RARA: variants seen among roughly 807,000 people sequenced by gnomAD.
RARA encodes the protein retinoic acid receptor alpha, also known as PML-DDX5-RARA fusion.
In RARA, 5 loss-of-function variants were observed where a neutral mutation model predicts 42.8. The ratio of observed to expected loss-of-function variants is 0.12; its 90% confidence interval spans 0.06 to 0.25. The LOEUF (loss-of-function observed/expected upper bound fraction) is 0.25. Ranked by LOEUF, RARA falls within the 10% of genes least tolerant of loss-of-function variation. The pLI, the probability that RARA is intolerant of heterozygous loss-of-function variation, is 1.00. For missense variants in RARA, 402 were observed against 628.7 expected, an observed-to-expected ratio of 0.64 and a Z score of 3.86; for synonymous variants, 256 against 259.5, an observed-to-expected ratio of 0.99 and a Z score of 0.13.
At chr17:40,338,634 G>C (rs141223821) in intron 2 of RARA, among the ~76,000 whole-genome samples, 2,275 of 150,502 alleles carry the variant, frequency 0.015, 29 homozygotes, top group Non-Finnish European at 0.023. Flanking sequence ...CTTGAACCCG[G>C]AGGTGGAGGT....
At chr17:40,340,068 G>GT (rs1294651936) in intron 2 of RARA, among the ~76,000 whole-genome samples, 2 of 151,912 alleles carry the variant, frequency 1.3e-5, no homozygotes, top group Non-Finnish European at 2.9e-5. Flanking sequence ...TCACTGATGC[G>GT]TAAGTCACAC....
chr17:40,327,221 G>A (rs1378866301), intron 1 of RARA, among the ~76,000 whole-genome samples: 1 of 152,180 alleles, frequency 6.6e-6, no homozygotes, highest in Admixed American at 6.5e-5. Context: ...GAGCAAGGGT[G>A]GGTTCCAGAG....
intron 1 of RARA, among the ~76,000 whole-genome samples, chr17:40,328,544 C>G (rs1336524981): frequency 6.6e-6 from 1 of 152,134 alleles, no homozygotes; most frequent in Non-Finnish European, 1.5e-5. Flanking sequence ...ACTTTCATCA[C>G]CCCAGAAAGA....
intron 2 of RARA, chr17:40,342,380 T>G (rs2034090809): frequency 9.0e-7 from 1 of 1,108,704 alleles, no homozygotes; most frequent in Non-Finnish European, 1.1e-6. Context: ...GTACTCTGCC[T>G]CGGACGCCAC....
Position 40,326,235 on chromosome 17 carries a change from C to A in RARA, c.-362-4622C>A, listed in dbSNP as rs1469676209. On this transcript the variant is annotated intron_variant, in intron 1 of 8. Coordinates refer to ENST00000254066, the MANE Select transcript of RARA (RefSeq NM_000964.4). This position sits in a 1 kb window ranked among gnomAD's most constrained non-coding sequence, Gnocchi z 5.2. ...GCAAGAGGCATGGGGATGGAGGGCT[C>A]CAGTTGCCCGGGCCTCCCCTGTGCC... is the stretch of plus-strand genomic sequence containing the variant. Among the ~76,000 whole-genome samples, 2 of 152,236 alleles carry A rather than the reference C, an allele frequency of 1.3e-5. No individual in the cohort carries two copies. Among genetic ancestry groups the A allele is most frequent in the African/African-American group, 4.8e-5 (2 of 41,456 alleles).
chr17:40,348,291 T>C (rs749330119), intron 2 of RARA, 25 bp from the exon 3 acceptor site: 2 of 1,533,214 alleles, frequency 1.3e-6, no homozygotes, highest in East Asian at 2.5e-5. Flanking sequence ...GGTCTCTAAC[T>C]GCCCCTCCCC....
intron 1 of RARA, among the ~76,000 whole-genome samples, chr17:40,319,549 AC>A (rs1438632891): frequency 1.5e-5 from 1 of 66,990 alleles, no homozygotes; most frequent in Non-Finnish European, 2.9e-5. Context: ...CCTGCTGCTT[AC>A]CCCAAGGATC....
At position 40,352,025 on chromosome 17, in the gene RARA, C is replaced by T. The variant is rs771740867; in HGVS notation, c.585C>T (p.His195=). The T allele has an allele frequency of 6.3e-7, 1 of 1,586,976 alleles. No homozygotes were observed. Among genetic ancestry groups the T allele is most frequent in the Non-Finnish European group, 8.5e-7 (1 of 1,171,982 alleles). The change falls in exon 5 of 9, where the codon CAC becomes CAT. Residue 195 remains histidine (H), a synonymous_variant. Coordinates refer to ENST00000254066, the MANE Select transcript of RARA (RefSeq NM_000964.4). This position sits in a 1 kb window ranked among gnomAD's most constrained non-coding sequence, Gnocchi z 4.9. ...TCATTGAGAAGGTGCGCAAAGCGCACCAGGAAACCTTCCCTGCCCTCTGCC... is the reference window on the plus strand; with the variant it reads ...TCATTGAGAAGGTGCGCAAAGCGCATCAGGAAACCTTCCCTGCCCTCTGCC... The part of the protein sequence containing the change: ...GELIEKVRKA[H]QETFPALCQL...
Position 40,354,034 on chromosome 17 carries a change from A to G in RARA, c.808-268A>G, listed in dbSNP as rs1439995896. ...GCTGCTCACCACATGTGACTCTTTA[A>G]ATTTAAATTAATTAAAATTAAACTC... On this transcript the variant is annotated intron_variant, in intron 6 of 8. Transcript: ENST00000254066. The surrounding 1 kb of genome is among the most constrained non-coding windows in gnomAD (Gnocchi z 4.5). 6.6e-6 allele frequency among the ~76,000 whole-genome samples: 1 copy of G among 151,964 alleles called. No individual in the cohort carries two copies. Among genetic ancestry groups the G allele is most frequent in the East Asian group, 1.9e-4 (1 of 5,202 alleles).
Position 40,315,222 on chromosome 17 carries a change from A to G in RARA, c.-363+5936A>G, listed in dbSNP as rs73309029. 4.1e-3 allele frequency among the ~76,000 whole-genome samples: 612 copies of G among 148,414 alleles called. 9 individuals are homozygous for G. Among genetic ancestry groups the G allele is most frequent in the African/African-American group, 0.014 (578 of 40,088 alleles). ...TATATATTTATTTATTTTAACAAAA[A>G]AGACACAGGGTCTTGCTATGTTGCC... On this transcript the variant is annotated intron_variant, in intron 1 of 8. Coordinates refer to ENST00000254066, the MANE Select transcript of RARA (RefSeq NM_000964.4).
chr17:40,337,363 G>A (rs1181800796), intron 2 of RARA, among the ~76,000 whole-genome samples: 2 of 152,202 alleles, frequency 1.3e-5, no homozygotes, highest in African/African-American at 2.4e-5. Context: ...CCTTTCCCCG[G>A]TAGGGGGTGT....
intron 2 of RARA, chr17:40,342,378 C>T: frequency 2.7e-6 from 3 of 1,109,464 alleles, no homozygotes; most frequent in Non-Finnish European, 3.3e-6. Context: ...CTGTACTCTG[C>T]CTCGGACGCC....
Position 40,355,692 on chromosome 17 carries a change from C to T in RARA, c.1171+271C>T, listed in dbSNP as rs777124853. Among the ~76,000 whole-genome samples the T allele has an allele frequency of 4.3e-4, 65 of 152,184 alleles. 3 individuals carry two copies. The highest frequency in any genetic ancestry group is 2.2e-4 in the Non-Finnish European group (15 of 68,038). On this transcript the variant is annotated intron_variant, in intron 8 of 8. Coordinates refer to ENST00000254066, the MANE Select transcript of RARA (RefSeq NM_000964.4). The surrounding 1 kb of genome is among the most constrained non-coding windows in gnomAD (Gnocchi z 4.1). ...CAGCTCCTAGCTACAGTTTCCCTTC[C>T]GAGGGCGGGGATAACATTCGTGTTT...
In RARA at chr17:40,345,625, G is replaced by A. The variant is rs1156624177; in HGVS notation, c.179-2691G>A. ...GGTCAGTTCCAGTCCTCTGTTGGGCGCTGGAACTTTGAGCTGAGAAGGTGT... is the reference window on the plus strand; with the variant it reads ...GGTCAGTTCCAGTCCTCTGTTGGGCACTGGAACTTTGAGCTGAGAAGGTGT... On this transcript the variant is annotated intron_variant, in intron 2 of 8. Transcript: ENST00000254066. The surrounding 1 kb of genome is among the most constrained non-coding windows in gnomAD (Gnocchi z 4.8). Among the ~76,000 whole-genome samples, 1 of 152,236 alleles carries A rather than the reference G, an allele frequency of 6.6e-6. No individual in the cohort carries two copies. Among genetic ancestry groups the A allele is most frequent in the Non-Finnish European group, 1.5e-5 (1 of 68,040 alleles).
intron 1 of RARA, among the ~76,000 whole-genome samples, chr17:40,313,950 C>T (rs572909937): frequency 3.5e-4 from 53 of 152,220 alleles, no homozygotes; most frequent in African/African-American, 1.0e-3. Flanking sequence ...TGCTCAGTCC[C>T]CTTCTGGCTC....
At chr17:40,309,725 A>G (rs1236020451) in intron 1 of RARA, among the ~76,000 whole-genome samples, 1 of 152,214 alleles carries the variant, frequency 6.6e-6, no homozygotes, top group Non-Finnish European at 1.5e-5. Flanking sequence ...CAAAGAGCTC[A>G]GGACTTTGCC....
At chr17:40,348,077 T>G in intron 2 of RARA, 1 of 411,154 alleles carries the variant, frequency 2.4e-6, no homozygotes, top group Non-Finnish European at 4.3e-6. Flanking sequence ...CATTGTATCT[T>G]TGTGGTTTTG....
chr17:40,337,930 G>A (rs1429436435), intron 2 of RARA, among the ~76,000 whole-genome samples: 1 of 152,262 alleles, frequency 6.6e-6, no homozygotes, highest in Non-Finnish European at 1.5e-5. Flanking sequence ...CAGAGGGACA[G>A]CCCAGGTGGA....
At position 40,356,187 on chromosome 17, in the gene RARA, C is replaced by T. The variant is rs1478131972; in HGVS notation, c.1350C>T (p.Pro450=). The part of the protein sequence containing the change: ...PPGSCSPSLS[P]SSNRSSPATH... The stretch of plus-strand genomic sequence containing the variant: ...GCAGCTGTAGCCCCAGCCTCAGCCC[C>T]AGCTCCAACAGAAGCAGCCCGGCCA... Residue 450 remains proline (P), a synonymous_variant, in exon 9 of 9, where the codon CCC becomes CCT. Transcript: ENST00000254066. 6 of 1,550,638 alleles carry T rather than the reference C, an allele frequency of 3.9e-6. No individual in the cohort carries two copies. Among genetic ancestry groups the T allele is most frequent in the South Asian group, 1.2e-5 (1 of 84,118 alleles).
Sources: gnomAD v4.1 joint callset for allele counts (sites outside exome capture counted in the v4.1 genomes callset) on GRCh38, gnomAD v4.1.1 for gene constraint, Gnocchi (gnomAD v3.1) non-coding constraint, MANE v1.5 for transcripts, NCBI Gene and HGNC (gene_info 2026-07-23, HGNC 2026-07-21) for gene names.